ARFGEF1: variants seen among roughly 807,000 people sequenced by gnomAD.
The protein encoded by ARFGEF1 is ARF guanine nucleotide exchange factor 1.
In ARFGEF1, 42 loss-of-function variants were observed where a neutral mutation model predicts 231.0. The ratio of observed to expected loss-of-function variants is 0.18; its 90% CI spans 0.14 to 0.24. The LOEUF is 0.24. ARFGEF1 is among the 10% of genes least tolerant of loss of function. ARFGEF1 has a pLI of 1.00. For synonymous variants in ARFGEF1, 710 were observed against 732.3 expected (o/e 0.97, Z 0.49); for missense variants, 1,345 against 2,192.0 (o/e 0.61, Z 7.72).
intron 38 of ARFGEF1, chr8:67,200,139 T>TC (rs1838274322): frequency 2.1e-6 from 1 of 474,450 alleles, no homozygotes; most frequent in African/African-American, 2.0e-5. Flanking sequence ...TGTCAAGGTA[T>TC]CCCAAGGGAT....
intron 1 of ARFGEF1, among the ~76,000 whole-genome samples, chr8:67,328,227 T>G (rs1334904733): frequency 1.3e-5 from 2 of 152,232 alleles, no homozygotes; most frequent in Non-Finnish European, 2.9e-5. Flanking sequence ...GTTATAATTT[T>G]TTTTTCCTTA....
intron 6 of ARFGEF1, among the ~76,000 whole-genome samples, chr8:67,289,484 G>A (rs1250364285): frequency 7.0e-6 from 1 of 143,772 alleles, no homozygotes; most frequent in East Asian, 2.1e-4. Flanking sequence ...CGCCTGGGAG[G>A]CAGGCAATGA....
intron 23 of ARFGEF1, 39 bp downstream of exon 23, chr8:67,232,816 T>A (rs1263370695): frequency 6.8e-7 from 1 of 1,466,156 alleles, no homozygotes; most frequent in East Asian, 2.3e-5. Context: ...AGAACTGAAA[T>A]AGTAATCATC....
At chr8:67,222,271 T>TATG (rs1839223910) in intron 29 of ARFGEF1, among the ~76,000 whole-genome samples, 2 of 49,272 alleles carry the variant, frequency 4.1e-5, no homozygotes, top group African/African-American at 5.9e-5. Context: ...ATGTATGTAT[T>TATG]TTTTTTTTTT....
chr8:67,289,557 AAAAAAAAAAAAAAAAAAAAGG>A (rs1805913394), intron 6 of ARFGEF1, among the ~76,000 whole-genome samples: 1 of 138,170 alleles, frequency 7.2e-6, no homozygotes, highest in Non-Finnish European at 1.5e-5. Flanking sequence ...TCCAAAAAAA[AAAAAAAAAAAAAAAAAAAAGG>A]AAAAAAGGAC....
At chr8:67,199,922 A>G (rs1363440934) in intron 38 of ARFGEF1, 2 of 231,708 alleles carry the variant, frequency 8.6e-6, no homozygotes, top group South Asian at 1.3e-4. Flanking sequence ...CTACTGGTTT[A>G]AAATTCTTAG....
chr8:67,251,223 CCTTAA>C, intron 19 of ARFGEF1, 71 bp downstream of exon 19: 1 of 1,355,256 alleles, frequency 7.4e-7, no homozygotes, highest in Non-Finnish European at 9.7e-7. Flanking sequence ...TGTATCGCTT[CCTTAA>C]CTTAAAAATA....
intron 4 of ARFGEF1, among the ~76,000 whole-genome samples, chr8:67,298,444 C>G (rs760958724): frequency 2.6e-5 from 4 of 152,102 alleles, no homozygotes; most frequent in Non-Finnish European, 5.9e-5. Context: ...TGGATGGGTG[C>G]AACGATATCA....
At chr8:67,260,933 G>C (rs1804591139) in intron 14 of ARFGEF1, among the ~76,000 whole-genome samples, 1 of 152,156 alleles carries the variant, frequency 6.6e-6, no homozygotes, top group South Asian at 2.1e-4. Flanking sequence ...GTGAAAAGAA[G>C]ATCAAACCAG....
Position 67,316,485 on chromosome 8 carries a change from G to A in ARFGEF1, c.125-14019C>T, listed in dbSNP as rs373284526. 1.4e-3 allele frequency among the ~76,000 whole-genome samples: 205 copies of A among 150,630 alleles called. 2 individuals are homozygous for A. Among genetic ancestry groups the A allele is most frequent in the African/African-American group, 4.8e-3 (197 of 40,924 alleles). On this transcript the variant is annotated intron_variant, in intron 1 of 38. Coordinates refer to ENST00000262215, the MANE Select transcript of ARFGEF1 (RefSeq NM_006421.5). ...TATAATTTTTTTTTTTTTCTGAGACGGGGTCCACTCTGTTGCCCAGGCTGG... is the reference window on the plus strand; with the variant it reads ...TATAATTTTTTTTTTTTTCTGAGACAGGGTCCACTCTGTTGCCCAGGCTGG...
chr8:67,257,613 C>T lies in ARFGEF1; in HGVS notation c.2526+119G>A, dbSNP rs1238986471. On this transcript the variant is annotated intron_variant, in intron 17 of 38. Coordinates refer to ENST00000262215, the MANE Select transcript of ARFGEF1 (RefSeq NM_006421.5). ...TGTTCACCATCCCAAATTAAATACCCAAATATGGTGACTGGTTTAACTGAA... is the reference window on the plus strand; with the variant it reads ...TGTTCACCATCCCAAATTAAATACCTAAATATGGTGACTGGTTTAACTGAA... 3 of 798,416 alleles carry T rather than the reference C, an allele frequency of 3.8e-6. No homozygotes were observed. The African/African-American group carries it at 5.3e-5, about 14-fold the overall frequency. 49.5% of individuals were successfully genotyped at this position (798,416 alleles called of 1,614,324 possible).
At chr8:67,288,111 G>T in intron 6 of ARFGEF1, 46 bp from the exon 7 acceptor site, 2 of 1,331,616 alleles carry the variant, frequency 1.5e-6, no homozygotes, top group East Asian at 2.5e-5. Flanking sequence ...TAACTTTTTG[G>T]AAGCTTTTTA....
rs529793061 is a variant in ARFGEF1 at position 67,230,034 on chromosome 8, G to T, written c.3381-1770C>A. Among the ~76,000 whole-genome samples the T allele has an allele frequency of 3.9e-4, 59 of 152,040 alleles. No homozygotes were observed. The South Asian group carries it at 9.6e-3, about 25-fold the overall frequency. ...GACAGGTCCTGTGGACTGTTGTGAT[G>T]GTGGAAGGTTGGGGGAGCATCCATT... is the stretch of plus-strand genomic sequence containing the variant. On this transcript the variant is annotated intron_variant, in intron 23 of 38. Coordinates refer to ENST00000262215, the MANE Select transcript of ARFGEF1 (RefSeq NM_006421.5).
chr8:67,211,165 G>A (rs1838730746), intron 34 of ARFGEF1, among the ~76,000 whole-genome samples: 1 of 151,674 alleles, frequency 6.6e-6, no homozygotes, highest in Non-Finnish European at 1.5e-5. Context: ...CCAATATGGT[G>A]AAACCCCGTC....
Position 67,225,474 on chromosome 8 carries a change from C to T in ARFGEF1, c.4078-441G>A, listed in dbSNP as rs116962987. 1.8e-4 allele frequency among the ~76,000 whole-genome samples: 28 copies of T among 152,294 alleles called. No individual in the cohort carries two copies. In the East Asian group the frequency reaches 4.6e-3, roughly 25 times the overall value. On this transcript the variant is annotated intron_variant, in intron 28 of 38. Coordinates refer to ENST00000262215, the MANE Select transcript of ARFGEF1 (RefSeq NM_006421.5). ...GAATAAAATCTTATTACCAAATCTA[C>T]GATACATCACTTTCTCTTATGACAG...
chr8:67,209,614 T>C (rs1236439811), intron 34 of ARFGEF1, among the ~76,000 whole-genome samples: 1 of 152,258 alleles, frequency 6.6e-6, no homozygotes, highest in Non-Finnish European at 1.5e-5. Flanking sequence ...CTCAAAGCTG[T>C]CCTGTTCTCC....
intron 35 of ARFGEF1, among the ~76,000 whole-genome samples, chr8:67,204,146 ACTT>A (rs1022423132): frequency 2.6e-5 from 4 of 151,950 alleles, no homozygotes; most frequent in African/African-American, 7.2e-5. Context: ...TTACAGCAAA[ACTT>A]CTTAACAGAG....
intron 9 of ARFGEF1, among the ~76,000 whole-genome samples, chr8:67,274,237 T>A (rs1435985724): frequency 6.6e-6 from 1 of 150,842 alleles, no homozygotes; most frequent in South Asian, 2.1e-4. Context: ...ATTTCCTGGA[T>A]CATCATTTTA....
intron 7 of ARFGEF1, among the ~76,000 whole-genome samples, chr8:67,287,488 T>C (rs1805809791): frequency 2.0e-5 from 3 of 152,240 alleles, no homozygotes; most frequent in African/African-American, 7.2e-5. Context: ...AGTACAACTA[T>C]ATGCTGGGTC....
Sources: gnomAD v4.1 joint callset for allele counts (sites outside exome capture counted in the v4.1 genomes callset) on GRCh38, gnomAD v4.1.1 for gene constraint, MANE v1.5 for transcripts, NCBI Gene and HGNC (gene_info 2026-07-23, HGNC 2026-07-21) for gene names.